The following GPR107 variants were observed in gnomAD, a reference collection of about 807,000 sequenced individuals.
The protein encoded by GPR107 is protein GPR107.
GPR107 carries 31 observed loss-of-function variants against 75.5 expected under a neutral mutation model. The observed-to-expected ratio is 0.41, with a 90% CI of 0.31 to 0.55. The LOEUF (loss-of-function observed/expected upper bound fraction) is 0.55. Among genes scored for constraint, GPR107 ranks in the 20% least tolerant of loss-of-function variants. The probability of loss-of-function intolerance (pLI) is 0.26; values close to 1 mark genes in which losing one functional copy is unlikely to be tolerated. For synonymous variants in GPR107, 267 were observed against 251.3 expected (o/e 1.06, Z -0.59); for missense variants, 572 against 665.7 (o/e 0.86, Z 1.55).
At chr9:130,076,330 T>C in intron 2 of GPR107, 82 bp from the exon 3 acceptor site, 4 of 850,922 alleles carry the variant, frequency 4.7e-6, no homozygotes, top group Non-Finnish European at 8.1e-6. Flanking sequence ...ACGTTAGAAG[T>C]ACCACTTTTT....
At chr9:130,077,966 C>T (rs1830396919) in intron 4 of GPR107, among the ~76,000 whole-genome samples, 1 of 152,086 alleles carries the variant, frequency 6.6e-6, no homozygotes, top group Non-Finnish European at 1.5e-5. Flanking sequence ...GAGATTGAGA[C>T]CATCCTGGCT....
chr9:130,100,565 A>G lies in GPR107; in HGVS notation c.940-64A>G. 6 of 1,164,082 alleles carry G rather than the reference A, an allele frequency of 5.2e-6. No homozygotes were observed. In the South Asian group the frequency reaches 7.3e-5, roughly 14 times the overall value. 72.1% of individuals were successfully genotyped at this position (1,164,082 alleles called of 1,614,324 possible). A position where few individuals can be genotyped will look rare whatever the true frequency, so the allele number is the denominator to read the frequency against. On this transcript the variant is annotated intron_variant, in intron 10 of 17. Coordinates refer to ENST00000347136, the MANE Select transcript of GPR107 (RefSeq NM_020960.5). ...ATAATTTCCCAAATGGGTCCAAGTT[A>G]AAAGATTCTTTGTGGAGCCATGTAG...
At chr9:130,089,589 T>C (rs960277522) in intron 7 of GPR107, among the ~76,000 whole-genome samples, 3 of 152,220 alleles carry the variant, frequency 2.0e-5, no homozygotes, top group Admixed American at 1.3e-4. Context: ...TTTTTTTCTC[T>C]AAGGGTCAGA....
At chr9:130,134,679 C>T (rs782470001) in intron 17 of GPR107, among the ~76,000 whole-genome samples, 3 of 152,220 alleles carry the variant, frequency 2.0e-5, no homozygotes, top group Non-Finnish European at 2.9e-5. Context: ...GTCTCATAAG[C>T]GTAACTATCA....
At chr9:130,060,352 C>T (rs974126823) in intron 1 of GPR107, among the ~76,000 whole-genome samples, 7 of 151,698 alleles carry the variant, frequency 4.6e-5, no homozygotes, top group East Asian at 3.9e-4. Flanking sequence ...TGTGAGGCAC[C>T]GCGCCCAGCC....
In GPR107 at chr9:130,100,496, A is replaced by G. The variant is rs75230515; in HGVS notation, c.940-133A>G. On this transcript the variant is annotated intron_variant, in intron 10 of 17. Transcript: ENST00000347136. ...TGAAAGTGGCCTCCTTGGAAAAGGC[A>G]ATAATATATCCAGTGGCAGCGTCAC... The G allele has an allele frequency of 3.3e-4, 230 of 706,766 alleles. 1 individual carries two copies. In the African/African-American group the frequency reaches 3.7e-3, roughly 11 times the overall value. 43.8% of individuals were successfully genotyped at this position (706,766 alleles called of 1,614,324 possible). A position where few individuals can be genotyped will look rare whatever the true frequency, so the allele number is the denominator to read the frequency against.
At chr9:130,065,536 C>T (rs773159043) in intron 1 of GPR107, among the ~76,000 whole-genome samples, 74 of 151,766 alleles carry the variant, frequency 4.9e-4, no homozygotes, top group Non-Finnish European at 8.5e-4. Flanking sequence ...GAGGCCGCAA[C>T]GGGCACCTCA....
At chr9:130,057,838 T>TG (rs199777420) in intron 1 of GPR107, among the ~76,000 whole-genome samples, 1 of 150,176 alleles carries the variant, frequency 6.7e-6, no homozygotes, top group Non-Finnish European at 1.5e-5. Flanking sequence ...TTATTATTAT[T>TG]TTTTTTTTTT....
intron 15 of GPR107, among the ~76,000 whole-genome samples, chr9:130,126,657 C>T (rs1400862597): frequency 6.6e-6 from 1 of 152,162 alleles, no homozygotes; most frequent in Admixed American, 6.5e-5. Flanking sequence ...GCCCTGTTTC[C>T]AAGTCTTTCA....
chr9:130,125,156 T>C (rs12555885), intron 15 of GPR107, among the ~76,000 whole-genome samples, 192 bp downstream of exon 15: 11,451 of 129,250 alleles, frequency 0.089, 585 homozygotes, highest in Admixed American at 0.17. Context: ...TGGAGTGCAG[T>C]GGCACGATCT....
At chr9:130,120,056 G>A (rs1032717152) in intron 14 of GPR107, among the ~76,000 whole-genome samples, 14 of 152,096 alleles carry the variant, frequency 9.2e-5, no homozygotes, top group Non-Finnish European at 1.8e-4. Context: ...TCCCTCCGGG[G>A]CTCAGCCTCC....
intron 11 of GPR107, 50 bp from the exon 12 acceptor site, chr9:130,101,056 T>G: frequency 1.3e-4 from 136 of 1,017,488 alleles, no homozygotes; most frequent in Middle Eastern, 6.2e-4. Context: ...TAACTGGCAG[T>G]GAGAGTCTAA....
intron 14 of GPR107, among the ~76,000 whole-genome samples, chr9:130,108,483 C>T: frequency 6.6e-6 from 1 of 152,222 alleles, no homozygotes; most frequent in East Asian, 1.9e-4. Flanking sequence ...TTTGAGGCTT[C>T]ACGCCAGGGT....
intron 8 of GPR107, among the ~76,000 whole-genome samples, chr9:130,091,461 A>G (rs1034102409): frequency 2.2e-4 from 34 of 152,030 alleles, no homozygotes; most frequent in African/African-American, 6.8e-4. Context: ...AGCCTGGGCA[A>G]AAGGGTGAGA....
In GPR107 at chr9:130,138,616, T is replaced by A. The variant is rs782512788; in HGVS notation, c.*3495T>A. On this transcript the variant is annotated 3_prime_UTR_variant, in exon 18 of 18. Transcript: ENST00000347136. ...CTATTGATCCCACATAGGCTCATTC[T>A]GGGTACACCGGCTAAAGGCTTTGGT... 14 of 151,856 alleles carry A rather than the reference T, an allele frequency of 9.2e-5. No homozygotes were observed. Among genetic ancestry groups the A allele is most frequent in the Non-Finnish European group, 1.9e-4 (13 of 67,964 alleles). The allele number at this position is 151,856 out of a possible 1,614,324, so 9.4% of individuals were successfully genotyped here.
chr9:130,068,132 C>G (rs1409489484), intron 1 of GPR107, among the ~76,000 whole-genome samples: 1 of 150,646 alleles, frequency 6.6e-6, no homozygotes, highest in African/African-American at 2.4e-5. Flanking sequence ...TTTTGCTTAC[C>G]TTTTGGATCT....
intron 14 of GPR107, chr9:130,114,635 C>A: frequency 1.4e-6 from 1 of 739,062 alleles, no homozygotes; most frequent in Non-Finnish European, 1.9e-6. Flanking sequence ...GTCCTCCTGC[C>A]TCAGTCTCCC....
chr9:130,104,734 C>T (rs547609645), intron 13 of GPR107, among the ~76,000 whole-genome samples, 184 bp downstream of exon 13: 24 of 152,188 alleles, frequency 1.6e-4, no homozygotes, highest in Admixed American at 3.3e-4. Context: ...TCCAGTTACT[C>T]GGGGTATTCT....
At chr9:130,133,358 T>A (rs1401578656) in intron 17 of GPR107, 1 of 152,252 alleles carries the variant, frequency 6.6e-6, no homozygotes, top group African/African-American at 2.4e-5. Context: ...AGAATCAACG[T>A]GCATTGAACT....
Sources: allele counts gnomAD v4.1 joint callset (sites outside exome capture counted in the v4.1 genomes callset), GRCh38; gene constraint gnomAD v4.1.1; transcripts MANE v1.5; gene names NCBI Gene and HGNC (gene_info 2026-07-23, HGNC 2026-07-21).